Variants in THSD7B observed in about 807,000 individuals in gnomAD.
THSD7B encodes thrombospondin type-1 domain-containing protein 7B.
THSD7B carries 138 observed loss-of-function variants against 213.6 expected under a neutral mutation model. The observed-to-expected ratio is 0.65, with a 90% confidence interval of 0.56 to 0.74. The LOEUF (loss-of-function observed/expected upper bound fraction) is 0.74, where lower values mean the gene tolerates loss of function less well. THSD7B is among the 30% of genes least tolerant of loss of function. The probability of loss-of-function intolerance (pLI) is 0.00; values close to 1 mark genes in which losing one functional copy is unlikely to be tolerated. For synonymous variants in THSD7B, 742 were observed against 687.0 expected (o/e 1.08, Z -1.25); for missense variants, 1,931 against 1,991.5 (o/e 0.97, Z 0.58).
At chr2:137,497,620 A>ATG (rs897400738) in intron 15 of THSD7B, among the ~76,000 whole-genome samples, 45 of 150,640 alleles carry the variant, frequency 3.0e-4, no homozygotes, top group Middle Eastern at 3.4e-3. Flanking sequence ...TGTGTGTGTT[A>ATG]TGTGTGTGTG....
At chr2:137,026,357 G>T (rs1686555635) in intron 2 of THSD7B, among the ~76,000 whole-genome samples, 1 of 152,128 alleles carries the variant, frequency 6.6e-6, no homozygotes, top group Non-Finnish European at 1.5e-5. Context: ...GATCTGTCTT[G>T]TCCACTTTCT....
chr2:137,651,214 T>C (rs968454565), intron 21 of THSD7B, among the ~76,000 whole-genome samples: 6 of 152,112 alleles, frequency 3.9e-5, no homozygotes, highest in African/African-American at 7.2e-5. Context: ...GGGTTTTTTT[T>C]CATGGGAGAC....
chr2:137,453,574 C>T (rs1032450255), intron 15 of THSD7B, among the ~76,000 whole-genome samples: 6 of 152,066 alleles, frequency 3.9e-5, no homozygotes, highest in Admixed American at 1.3e-4. Context: ...CGTGCTCTGC[C>T]CGCCTCGGCC....
intron 14 of THSD7B, among the ~76,000 whole-genome samples, chr2:137,418,820 C>T (rs954730412): frequency 1.3e-5 from 2 of 152,134 alleles, no homozygotes; most frequent in African/African-American, 4.8e-5. Context: ...TTTCACTCAA[C>T]ATAATGACCT....
At chr2:136,975,618 T>A (rs1253341253) in intron 2 of THSD7B, among the ~76,000 whole-genome samples, 7 of 152,124 alleles carry the variant, frequency 4.6e-5, no homozygotes, top group African/African-American at 1.7e-4. Context: ...GTCAGGTAGT[T>A]TGATGCCTCT....
At chr2:136,815,829 G>A (rs939770829) in intron 1 of THSD7B, among the ~76,000 whole-genome samples, 1 of 152,140 alleles carries the variant, frequency 6.6e-6, no homozygotes, top group African/African-American at 2.4e-5. Context: ...CCAGCTGAAA[G>A]TGAGAATCTT....
At chr2:137,252,259 T>C (rs1269632676) in intron 10 of THSD7B, among the ~76,000 whole-genome samples, 35 of 106,112 alleles carry the variant, frequency 3.3e-4, no homozygotes, top group African/African-American at 1.3e-3. Context: ...AGAGCGAGAC[T>C]CTGTCTCAAA....
intron 15 of THSD7B, among the ~76,000 whole-genome samples, chr2:137,518,269 C>T (rs1680112182): frequency 6.6e-6 from 1 of 152,142 alleles, no homozygotes; most frequent in Non-Finnish European, 1.5e-5. Flanking sequence ...GATGATCCTG[C>T]ACCACCCGAA....
intron 3 of THSD7B, among the ~76,000 whole-genome samples, chr2:137,065,481 G>T (rs1406385669): frequency 1.3e-5 from 2 of 151,830 alleles, no homozygotes; most frequent in Non-Finnish European, 2.9e-5. Flanking sequence ...CAGTTCGGTT[G>T]TCCTTTATTT....
At chr2:136,944,009 G>T (rs1017616998) in intron 2 of THSD7B, among the ~76,000 whole-genome samples, 1 of 152,082 alleles carries the variant, frequency 6.6e-6, no homozygotes, top group Non-Finnish European at 1.5e-5. Context: ...GCTTTCTCTT[G>T]TGGGCATCTA....
chr2:137,350,235 A>G (rs1037507359), intron 12 of THSD7B, among the ~76,000 whole-genome samples: 1 of 151,876 alleles, frequency 6.6e-6, no homozygotes, highest in Non-Finnish European at 1.5e-5. Flanking sequence ...GAGTACAATA[A>G]ATAAGTCTAA....
chr2:136,796,401 GA>G (rs1218490375), intron 1 of THSD7B, among the ~76,000 whole-genome samples: 2 of 151,910 alleles, frequency 1.3e-5, no homozygotes, highest in African/African-American at 4.8e-5. Context: ...ACCTCGCATG[GA>G]AACTTGCTGG....
chr2:137,311,993 T>C (rs1402906701), intron 12 of THSD7B, among the ~76,000 whole-genome samples: 5 of 147,806 alleles, frequency 3.4e-5, no homozygotes, highest in Non-Finnish European at 7.5e-5. Flanking sequence ...TCTGCCCGGC[T>C]TTGGTATCAG....
intron 16 of THSD7B, among the ~76,000 whole-genome samples, chr2:137,570,972 T>C (rs1443269018): frequency 1.3e-5 from 2 of 152,222 alleles, no homozygotes; most frequent in Non-Finnish European, 2.9e-5. Context: ...AAAATTAATT[T>C]CTATTTGGGA....
At chr2:137,248,661 C>T (rs1306980966) in intron 10 of THSD7B, among the ~76,000 whole-genome samples, 1 of 151,988 alleles carries the variant, frequency 6.6e-6, no homozygotes, top group Non-Finnish European at 1.5e-5. Flanking sequence ...CATATGTGGC[C>T]CCCTCCTCTT....
chr2:137,618,515 G>A lies in THSD7B; in HGVS notation c.3681+8G>A. The A allele has an allele frequency of 6.2e-7, 1 of 1,611,864 alleles. No homozygotes were observed. Among genetic ancestry groups the A allele is most frequent in the Non-Finnish European group, 8.5e-7 (1 of 1,178,560 alleles). On this transcript the variant is annotated splice_region_variant and intron_variant, in intron 19 of 27. Coordinates refer to ENST00000409968, the MANE Select transcript of THSD7B (RefSeq NM_001316349.2). ...ATGGACCAATGTGAGCAGGTACTGT[G>A]TTTATATTCATATCTCACATCCAAG...
intron 12 of THSD7B, among the ~76,000 whole-genome samples, chr2:137,310,433 AT>A (rs1489467209): frequency 6.9e-6 from 1 of 145,258 alleles, no homozygotes. Flanking sequence ...GGTTGTGAAA[AT>A]TTTCTCCCAT....
chr2:136,971,872 G>C (rs1685410996), intron 2 of THSD7B, among the ~76,000 whole-genome samples: 1 of 151,978 alleles, frequency 6.6e-6, no homozygotes, highest in Non-Finnish European at 1.5e-5. Flanking sequence ...GGCAGGGATT[G>C]GGCTCCACTT....
chr2:137,250,617 T>A (rs1466510632), intron 10 of THSD7B, among the ~76,000 whole-genome samples: 2 of 152,212 alleles, frequency 1.3e-5, no homozygotes, highest in African/African-American at 4.8e-5. Flanking sequence ...GATCCTGCGT[T>A]TCAGGCTGTG....
Sources: allele counts gnomAD v4.1 joint callset (sites outside exome capture counted in the v4.1 genomes callset), GRCh38; gene constraint gnomAD v4.1.1; transcripts MANE v1.5; gene names NCBI Gene and HGNC (gene_info 2026-07-23, HGNC 2026-07-21).